Variants in C1GALT1 observed in about 807,000 individuals in gnomAD.
The protein encoded by C1GALT1 is glycoprotein-N-acetylgalactosamine 3-beta-galactosyltransferase 1.
Under a neutral mutation model 31.0 loss-of-function variants are expected in C1GALT1, and 11 were observed. The ratio of observed to expected loss-of-function variants is 0.36; its 90% CI spans 0.22 to 0.59. The LOEUF (loss-of-function observed/expected upper bound fraction) is 0.59, where lower values mean the gene tolerates loss of function less well. C1GALT1 is among the 20% of genes least tolerant of loss of function. C1GALT1 has a pLI of 0.79. For missense variants in C1GALT1, 424 were observed against 425.2 expected, an observed-to-expected ratio of 1.00 and a Z score of 0.03; for synonymous variants, 175 against 143.6, an observed-to-expected ratio of 1.22 and a Z score of -1.56.
intron 1 of C1GALT1, among the ~76,000 whole-genome samples, chr7:7,199,291 A>G (rs1048297095): frequency 2.0e-5 from 3 of 152,120 alleles, no homozygotes; most frequent in Non-Finnish European, 4.4e-5. Context: ...TCATTTTGTT[A>G]TGTACCTGAT....
chr7:7,210,502 C>T (rs1430638702), intron 1 of C1GALT1: 2 of 149,006 alleles, frequency 1.3e-5, no homozygotes, highest in African/African-American at 2.5e-5. Flanking sequence ...AGAAGCTCCC[C>T]CGTACAGAGA....
At chr7:7,221,568 C>T (rs918767236) in intron 1 of C1GALT1, among the ~76,000 whole-genome samples, 3 of 152,166 alleles carry the variant, frequency 2.0e-5, no homozygotes, top group Non-Finnish European at 4.4e-5. Flanking sequence ...TAATAAAAAG[C>T]GAATTGAAAT....
intron 1 of C1GALT1, among the ~76,000 whole-genome samples, chr7:7,189,017 G>C (rs961174604): frequency 2.0e-5 from 3 of 151,984 alleles, no homozygotes; most frequent in Admixed American, 6.6e-5. Flanking sequence ...CATTTGTTTA[G>C]GTTTGTTCCT....
At chr7:7,225,919 A>G (rs1001660437) in intron 1 of C1GALT1, among the ~76,000 whole-genome samples, 2 of 152,156 alleles carry the variant, frequency 1.3e-5, no homozygotes, top group African/African-American at 2.4e-5. Flanking sequence ...ATAGACAGCT[A>G]TAGGTGCGAG....
intron 1 of C1GALT1, among the ~76,000 whole-genome samples, chr7:7,196,940 TAG>T (rs1781317059): frequency 6.6e-6 from 1 of 151,378 alleles, no homozygotes; most frequent in Admixed American, 6.6e-5. Context: ...ATTTGGATAT[TAG>T]CCCTTTATCA....
intron 1 of C1GALT1, among the ~76,000 whole-genome samples, chr7:7,205,020 T>C (rs539357647): frequency 2.1e-4 from 32 of 152,330 alleles, no homozygotes; most frequent in African/African-American, 7.7e-4. Context: ...AGGCAGAATG[T>C]TCAGTCTATG....
chr7:7,239,847 C>A (rs1218213781), intron 3 of C1GALT1, among the ~76,000 whole-genome samples: 4 of 152,146 alleles, frequency 2.6e-5, no homozygotes, highest in African/African-American at 9.7e-5. Flanking sequence ...TATCTTTCTA[C>A]AACTTGCCCT....
At chr7:7,194,979 CT>C (rs1781222523) in intron 1 of C1GALT1, among the ~76,000 whole-genome samples, 1 of 152,062 alleles carries the variant, frequency 6.6e-6, no homozygotes, top group Admixed American at 6.6e-5. Flanking sequence ...TCATAGTAGC[CT>C]TGAATGATCT....
chr7:7,236,813 T>C (rs1378733290), intron 2 of C1GALT1, among the ~76,000 whole-genome samples: 4 of 152,186 alleles, frequency 2.6e-5, no homozygotes, highest in Non-Finnish European at 4.4e-5. Flanking sequence ...CCTGAGCCAC[T>C]GTGCCCAGCT....
intron 1 of C1GALT1, chr7:7,209,695 A>G (rs1232948663): frequency 6.6e-6 from 1 of 152,234 alleles, no homozygotes; most frequent in East Asian, 1.9e-4. Context: ...ATAAAGCAGT[A>G]TAATTTTCTC....
At chr7:7,234,250 G>A in intron 1 of C1GALT1, 53 bp from the exon 2 acceptor site, 2 of 1,333,088 alleles carry the variant, frequency 1.5e-6, no homozygotes, top group Non-Finnish European at 2.1e-6. Context: ...TTTTACTCCG[G>A]TTATGTATAC....
At chr7:7,241,875 G>A (rs1783644468) in intron 3 of C1GALT1, among the ~76,000 whole-genome samples, 1 of 151,584 alleles carries the variant, frequency 6.6e-6, no homozygotes, top group African/African-American at 2.4e-5. Flanking sequence ...ACAGAATCCT[G>A]GCCATCCAGT....
rs553219453 is a variant in C1GALT1, at chr7:7,232,303, G to C, written c.-17-2000G>C. ...AGCCATTCCAGAAATACATGAAGTT[G>C]TTTTGTTTTTATTATTGTAGTGGTG... On this transcript the variant is annotated intron_variant, in intron 1 of 3. Transcript: ENST00000436587. Among the ~76,000 whole-genome samples the C allele has an allele frequency of 2.0e-5, 3 of 152,226 alleles. No individual in the cohort carries two copies. The East Asian group carries it at 5.8e-4, about 29-fold the overall frequency.
chr7:7,227,688 C>G (rs1262885017), intron 1 of C1GALT1, among the ~76,000 whole-genome samples: 9 of 148,600 alleles, frequency 6.1e-5, no homozygotes, highest in Non-Finnish European at 1.2e-4. Flanking sequence ...CCACTGCACT[C>G]CAGCCTGGGC....
At chr7:7,223,152 T>C (rs1782588961) in intron 1 of C1GALT1, among the ~76,000 whole-genome samples, 1 of 152,138 alleles carries the variant, frequency 6.6e-6, no homozygotes, top group Non-Finnish European at 1.5e-5. Flanking sequence ...TGCATAATTA[T>C]CACAGACAGG....
chr7:7,169,493 A>G (rs780167142), intron 2 of C1GALT1, among the ~76,000 whole-genome samples: 1 of 151,484 alleles, frequency 6.6e-6, no homozygotes, highest in Non-Finnish European at 1.5e-5. Context: ...AAATGTTCCA[A>G]TTTCTCCACA....
intron 2 of C1GALT1, among the ~76,000 whole-genome samples, chr7:7,162,685 C>T (rs796686925): frequency 2.2e-3 from 323 of 147,766 alleles, no homozygotes; most frequent in African/African-American, 7.4e-3. Context: ...CCTGAGGAAT[C>T]GCCACACTGA....
chr7:7,182,256 TTCTC>T (rs1445610288), upstream of C1GALT1, among the ~76,000 whole-genome samples: 7 of 152,178 alleles, frequency 4.6e-5, no homozygotes, highest in Non-Finnish European at 7.3e-5. Flanking sequence ...AGCATCCCCT[TTCTC>T]GCTCCCTATT....
At position 7,182,762 on chromosome 7, in the gene C1GALT1, C is replaced by T; in HGVS notation, c.-76C>T. On this transcript the variant is annotated 5_prime_UTR_variant, in exon 1 of 4. Transcript: ENST00000436587. ...CCAGAGAAGCAAAGGTCACCAGTCC[C>T]AAGTCGTCCCCCTCTCCGCCCCCCA... The T allele has an allele frequency of 1.0e-6, 1 of 983,962 alleles. No homozygotes were observed. Among genetic ancestry groups the T allele is most frequent in the African/African-American group, 1.7e-5 (1 of 57,350 alleles). 61.0% of individuals were successfully genotyped at this position (983,962 alleles called of 1,614,324 possible).
Sources: allele counts gnomAD v4.1 joint callset (sites outside exome capture counted in the v4.1 genomes callset), GRCh38; gene constraint gnomAD v4.1.1; transcripts MANE v1.5; gene names NCBI Gene and HGNC (gene_info 2026-07-23, HGNC 2026-07-21).